The following AGBL4 variants were observed in gnomAD, a reference collection of about 807,000 sequenced individuals.
AGBL4 encodes the protein AGBL carboxypeptidase 4.
A neutral mutation model predicts 66.4 loss-of-function variants in AGBL4; 58 were observed. That is an observed-to-expected ratio of 0.87 (90% CI 0.71 to 1.09). The LOEUF is 1.09. AGBL4 is among the 50% of genes least tolerant of loss of function. The probability of loss-of-function intolerance (pLI) is 0.00; values close to 1 mark genes in which losing one functional copy is unlikely to be tolerated. For synonymous variants in AGBL4, 234 were observed against 222.9 expected (o/e 1.05, Z -0.44); for missense variants, 579 against 631.0 (o/e 0.92, Z 0.88).
chr1:49,813,052 A>G (rs946476698), intron 2 of AGBL4, among the ~76,000 whole-genome samples: 1 of 152,182 alleles, frequency 6.6e-6, no homozygotes, highest in African/African-American at 2.4e-5. Flanking sequence ...GCTAAGGGAG[A>G]ATCACAGAAT....
intron 3 of AGBL4, among the ~76,000 whole-genome samples, chr1:49,320,505 C>A (rs762139715): frequency 7.9e-5 from 12 of 152,150 alleles, no homozygotes; most frequent in Non-Finnish European, 1.8e-4. Context: ...GCAGTACACA[C>A]AAGGAAGAAT....
At chr1:48,813,150 G>A (rs552231854) in intron 6 of AGBL4, among the ~76,000 whole-genome samples, 46 of 152,222 alleles carry the variant, frequency 3.0e-4, no homozygotes, top group South Asian at 2.1e-3. Flanking sequence ...TTTGAGAGAC[G>A]GAAGACAAGG....
At chr1:48,668,505 G>A (rs566664971) in intron 6 of AGBL4, among the ~76,000 whole-genome samples, 25 of 152,228 alleles carry the variant, frequency 1.6e-4, no homozygotes, top group African/African-American at 5.3e-4. Context: ...CCCAGCCCCA[G>A]CTAGCACTCC....
chr1:49,299,227 T>C (rs536470897), intron 3 of AGBL4, among the ~76,000 whole-genome samples: 1 of 152,230 alleles, frequency 6.6e-6, no homozygotes, highest in Non-Finnish European at 1.5e-5. Flanking sequence ...ATATCATTTG[T>C]TACTTGAAAC....
At chr1:49,414,461 AT>A (rs1360402003) in intron 3 of AGBL4, among the ~76,000 whole-genome samples, 1 of 152,188 alleles carries the variant, frequency 6.6e-6, no homozygotes, top group African/African-American at 2.4e-5. Context: ...CTTCTTAAAT[AT>A]TTTTGAAGTG....
rs148600859 is a variant in AGBL4 at position 48,792,617 on chromosome 1, C to T, written c.634+74574G>A. On this transcript the variant is annotated intron_variant, in intron 6 of 13. Coordinates refer to ENST00000371839, the MANE Select transcript of AGBL4 (RefSeq NM_032785.4). ...CAAGAAAAAGACAGGCAGTCCATGT[C>T]TGCCTGAGGAAGCTGGGGAAGGTTT... Among the ~76,000 whole-genome samples, 267 of 152,264 alleles carry T rather than the reference C, an allele frequency of 1.8e-3. 1 individual carries two copies. Among genetic ancestry groups the T allele is most frequent in the African/African-American group, 6.0e-3 (251 of 41,546 alleles).
intron 5 of AGBL4, among the ~76,000 whole-genome samples, chr1:49,017,957 T>C (rs1398309346): frequency 6.6e-6 from 1 of 152,122 alleles, no homozygotes; most frequent in Admixed American, 6.5e-5. Context: ...TTTATCTCTG[T>C]TCATTGTTTC....
At chr1:49,686,374 C>T (rs1480794204) in intron 3 of AGBL4, among the ~76,000 whole-genome samples, 1 of 152,196 alleles carries the variant, frequency 6.6e-6, no homozygotes, top group Non-Finnish European at 1.5e-5. Flanking sequence ...GAGAACAATG[C>T]CATTGGCCTA....
At chr1:48,613,739 A>T (rs899509157) in intron 9 of AGBL4, among the ~76,000 whole-genome samples, 1 of 152,248 alleles carries the variant, frequency 6.6e-6, no homozygotes, top group Non-Finnish European at 1.5e-5. Flanking sequence ...CACAGCCAGC[A>T]GAGCTGTGGC....
intron 1 of AGBL4, among the ~76,000 whole-genome samples, chr1:50,020,267 TTC>T (rs1182119251): frequency 6.6e-6 from 1 of 152,254 alleles, no homozygotes; most frequent in Middle Eastern, 3.4e-3. Context: ...TTTATATAAT[TTC>T]TTTTATATGT....
chr1:49,381,098 T>C lies in AGBL4; in HGVS notation c.283-135234A>G, dbSNP rs546201754. On this transcript the variant is annotated intron_variant, in intron 3 of 13. Coordinates refer to ENST00000371839, the MANE Select transcript of AGBL4 (RefSeq NM_032785.4). Reference sequence around the variant, plus strand: ...AGAAAATTTTCGCAACCTACTCATCTGACAAAGGGCTAATATCCAGAATCT... The same window carrying C: ...AGAAAATTTTCGCAACCTACTCATCCGACAAAGGGCTAATATCCAGAATCT... Among the ~76,000 whole-genome samples, 15 of 152,306 alleles carry C rather than the reference T, an allele frequency of 9.8e-5. No homozygotes were observed. The South Asian group carries it at 3.1e-3, about 32-fold the overall frequency.
At chr1:49,354,029 A>C (rs558368773) in intron 3 of AGBL4, among the ~76,000 whole-genome samples, 21 of 152,192 alleles carry the variant, frequency 1.4e-4, no homozygotes, top group Non-Finnish European at 2.9e-4. Context: ...GGCAGGGTGT[A>C]AAAGGCTGTC....
chr1:48,987,364 G>C (rs185793714), intron 5 of AGBL4, among the ~76,000 whole-genome samples: 5 of 152,112 alleles, frequency 3.3e-5, no homozygotes, highest in Non-Finnish European at 4.4e-5. Context: ...AGCTGAAGTG[G>C]CCATATTAAT....
chr1:49,849,642 A>G (rs1021632498), intron 2 of AGBL4, among the ~76,000 whole-genome samples: 1 of 152,114 alleles, frequency 6.6e-6, no homozygotes, highest in South Asian at 2.1e-4. Flanking sequence ...TGCAAGTCTC[A>G]TGTATTACTA....
intron 1 of AGBL4, among the ~76,000 whole-genome samples, chr1:49,894,926 T>C (rs769143569): frequency 9.2e-5 from 14 of 152,206 alleles, no homozygotes; most frequent in Non-Finnish European, 1.8e-4. Context: ...TAGAACATCA[T>C]GCAGATTTAG....
chr1:49,989,932 C>T (rs530232837), intron 1 of AGBL4, among the ~76,000 whole-genome samples: 2 of 152,218 alleles, frequency 1.3e-5, no homozygotes, highest in South Asian at 4.1e-4. Context: ...GGTATACCTT[C>T]AATTACATAA....
chr1:50,009,377 A>G (rs765902005), intron 1 of AGBL4, among the ~76,000 whole-genome samples: 4 of 152,304 alleles, frequency 2.6e-5, no homozygotes, highest in Admixed American at 2.6e-4. Flanking sequence ...ATCAATCAAT[A>G]TGATACATCA....
intron 3 of AGBL4, among the ~76,000 whole-genome samples, chr1:49,271,371 G>A (rs538200070): frequency 6.6e-6 from 1 of 152,066 alleles, no homozygotes; most frequent in Admixed American, 6.6e-5. Flanking sequence ...TTATGAGGTA[G>A]AAGGGTACTT....
intron 6 of AGBL4, among the ~76,000 whole-genome samples, chr1:48,744,273 A>G (rs1321050885): frequency 6.6e-6 from 1 of 152,218 alleles, no homozygotes; most frequent in Non-Finnish European, 1.5e-5. Context: ...TGCTAAGTAA[A>G]TAAAACAATG....
Sources: gnomAD v4.1 joint callset for allele counts (sites outside exome capture counted in the v4.1 genomes callset) on GRCh38, gnomAD v4.1.1 for gene constraint, MANE v1.5 for transcripts, NCBI Gene and HGNC (gene_info 2026-07-23, HGNC 2026-07-21) for gene names.